The following POU2AF3 variants were observed in gnomAD, a reference collection of about 807,000 sequenced individuals.
POU2AF3 encodes POU class 2 homeobox associating factor 3, also known as cancer susceptibility candidate 13.
chr11:111,308,279 A>C, the POU2AF3 span: 1 of 1,551,694 alleles, frequency 6.4e-7, no homozygotes, highest in East Asian at 2.4e-5. Context: ...CACCACCTCC[A>C]TCTGCTACTG....
chr11:111,305,637 C>A, the POU2AF3 span, among the ~76,000 whole-genome samples: 1 of 152,204 alleles, frequency 6.6e-6, no homozygotes, highest in Non-Finnish European at 1.5e-5. Flanking sequence ...CTTTGATGAG[C>A]ACACTCTAAT....
chr11:111,299,448 G>A, the POU2AF3 span: 2 of 1,054,798 alleles, frequency 1.9e-6, no homozygotes, highest in Non-Finnish European at 2.3e-6. Context: ...CCTACTCACT[G>A]CGGCTTTTCG....
the POU2AF3 span, chr11:111,299,419 C>A: frequency 2.0e-6 from 2 of 1,019,322 alleles, no homozygotes; most frequent in Non-Finnish European, 2.3e-6. Context: ...CTCGGCTTGG[C>A]CTAACAGCCA....
At chr11:111,308,524 A>G in the POU2AF3 span, 1 of 1,324,238 alleles carries the variant, frequency 7.6e-7, no homozygotes, top group East Asian at 2.5e-5. Flanking sequence ...GCAACTTGGT[A>G]ACACAATATC....
the POU2AF3 span, among the ~76,000 whole-genome samples, chr11:111,305,827 A>G: frequency 5.3e-5 from 8 of 152,200 alleles, no homozygotes; most frequent in Admixed American, 2.0e-4. Flanking sequence ...TTCCGAGCCA[A>G]TAGTGTTAAT....
chr11:111,303,825 C>T, the POU2AF3 span, among the ~76,000 whole-genome samples: 10 of 151,360 alleles, frequency 6.6e-5, no homozygotes, highest in African/African-American at 1.7e-4. Flanking sequence ...GTGGTGAGCT[C>T]GGCTTCCCAG....
chr11:111,300,188 AC>A, the POU2AF3 span: 1 of 334,748 alleles, frequency 3.0e-6, no homozygotes, highest in Non-Finnish European at 5.4e-6. Flanking sequence ...GGTTCCCCCG[AC>A]CTAATCAGAG....
chr11:111,304,863 G>A, the POU2AF3 span: 2 of 920,910 alleles, frequency 2.2e-6, no homozygotes, highest in Middle Eastern at 3.8e-4. Flanking sequence ...TCATCAAAAT[G>A]TCTTAGCTTT....
chr11:111,307,020 T>C, the POU2AF3 span, among the ~76,000 whole-genome samples: 1 of 152,204 alleles, frequency 6.6e-6, no homozygotes, highest in African/African-American at 2.4e-5. Context: ...GAAATGGAAT[T>C]AAGGCTGTGT....
At chr11:111,307,984 T>C in the POU2AF3 span, 2 of 1,304,404 alleles carry the variant, frequency 1.5e-6, no homozygotes, top group African/African-American at 1.5e-5. Flanking sequence ...ATTTTCTCAC[T>C]CTGCATTGGT....
the POU2AF3 span, chr11:111,308,547 T>C: frequency 8.5e-7 from 1 of 1,172,348 alleles, no homozygotes; most frequent in Non-Finnish European, 1.2e-6. Flanking sequence ...AAGCACAGTT[T>C]ACATGTCACT....
chr11:111,300,627 C>T, the POU2AF3 span: 32 of 1,225,466 alleles, frequency 2.6e-5, no homozygotes, highest in Admixed American at 4.2e-4. Flanking sequence ...GAACCGTAAG[C>T]ATAAGCCCTT....
the POU2AF3 span, chr11:111,298,731 G>A: frequency 3.7e-6 from 4 of 1,094,996 alleles, no homozygotes; most frequent in Admixed American, 4.3e-5. Context: ...CGGAGAGGAC[G>A]CGAGCCACGC....
At chr11:111,306,063 G>T in the POU2AF3 span, among the ~76,000 whole-genome samples, 1 of 152,170 alleles carries the variant, frequency 6.6e-6, no homozygotes, top group Non-Finnish European at 1.5e-5. Flanking sequence ...GCCGGTAGGG[G>T]CTGGATGTCC....
the POU2AF3 span, chr11:111,306,354 A>G: frequency 1.6e-6 from 2 of 1,258,376 alleles, no homozygotes; most frequent in Non-Finnish European, 2.1e-6. Context: ...GTGTTTTGCA[A>G]TTTTTATGCA....
chr11:111,308,190 G>C, the POU2AF3 span: 45 of 1,551,856 alleles, frequency 2.9e-5, no homozygotes, highest in Non-Finnish European at 3.7e-5. Context: ...CTGGACACCA[G>C]AACCTGTGGC....
At chr11:111,300,612 C>G in the POU2AF3 span, 8 of 1,231,004 alleles carry the variant, frequency 6.5e-6, no homozygotes, top group Non-Finnish European at 8.1e-6. Flanking sequence ...AGGCGGCCTC[C>G]GGGGGAACCG....
At chr11:111,302,896 G>A in the POU2AF3 span, among the ~76,000 whole-genome samples, 4 of 152,210 alleles carry the variant, frequency 2.6e-5, no homozygotes, top group Non-Finnish European at 5.9e-5. Context: ...GGATGATGTT[G>A]CCTGCTTCTT....
At chr11:111,306,157 AT>A in the POU2AF3 span, among the ~76,000 whole-genome samples, 1 of 152,100 alleles carries the variant, frequency 6.6e-6, no homozygotes, top group African/African-American at 2.4e-5. Context: ...CCATCCTTTT[AT>A]TTTTGCCCTA....
Sources: gnomAD v4.1 joint callset for allele counts (sites outside exome capture counted in the v4.1 genomes callset) on GRCh38, gnomAD v4.1.1 for gene constraint, MANE v1.5 for transcripts, NCBI Gene and HGNC (gene_info 2026-07-23, HGNC 2026-07-21) for gene names.